The following LHFPL3 variants were observed in gnomAD, a reference collection of about 807,000 sequenced individuals.
The protein encoded by LHFPL3 is LHFPL tetraspan subfamily member 3 protein.
In LHFPL3, 5 loss-of-function variants were observed where a neutral mutation model predicts 19.3. That is an observed-to-expected ratio of 0.26 (90% CI 0.14 to 0.54). The LOEUF (loss-of-function observed/expected upper bound fraction) is 0.54, where lower values mean the gene tolerates loss of function less well. Ranked by LOEUF, LHFPL3 falls within the 20% of genes least tolerant of loss-of-function variation. LHFPL3 has a pLI of 0.94. For synonymous variants in LHFPL3, 133 were observed against 126.2 expected (o/e 1.05, Z -0.36); for missense variants, 249 against 307.4 (o/e 0.81, Z 1.42).
intron 2 of LHFPL3, among the ~76,000 whole-genome samples, chr7:104,881,094 T>C (rs562053487): frequency 7.0e-6 from 1 of 142,140 alleles, no homozygotes; most frequent in South Asian, 2.2e-4. Flanking sequence ...GGCGTGAACC[T>C]GGGAGGCGGA....
At chr7:104,468,127 C>G (rs1163539518) in intron 1 of LHFPL3, among the ~76,000 whole-genome samples, 1 of 152,230 alleles carries the variant, frequency 6.6e-6, no homozygotes, top group Non-Finnish European at 1.5e-5. Flanking sequence ...CAATATCAAA[C>G]TGCCACTGCT....
intron 1 of LHFPL3, among the ~76,000 whole-genome samples, chr7:104,544,049 A>C (rs1794537540): frequency 6.6e-6 from 1 of 151,828 alleles, no homozygotes; most frequent in South Asian, 2.1e-4. Flanking sequence ...ATTAAAAAAA[A>C]AAAAAGCTGG....
chr7:104,887,959 A>T (rs1181421303), intron 2 of LHFPL3, among the ~76,000 whole-genome samples: 1 of 152,200 alleles, frequency 6.6e-6, no homozygotes, highest in South Asian at 2.1e-4. Flanking sequence ...AGTCAGAACA[A>T]GTTACAAAGA....
intron 1 of LHFPL3, among the ~76,000 whole-genome samples, chr7:104,614,058 T>C (rs1455952727): frequency 6.6e-6 from 1 of 152,156 alleles, no homozygotes; most frequent in Non-Finnish European, 1.5e-5. Flanking sequence ...TTTCCTGGGT[T>C]ATAAAACTGG....
At chr7:104,408,707 T>C (rs937112593) in intron 1 of LHFPL3, among the ~76,000 whole-genome samples, 4 of 152,180 alleles carry the variant, frequency 2.6e-5, no homozygotes, top group Non-Finnish European at 5.9e-5. Flanking sequence ...ATGCCAATGC[T>C]GAACTGGGTA....
At position 104,701,752 on chromosome 7, in the gene LHFPL3, T is replaced by C. The variant is rs554284233; in HGVS notation, c.446-34923T>C. Among the ~76,000 whole-genome samples, 19 of 152,320 alleles carry C rather than the reference T, an allele frequency of 1.2e-4. No homozygotes were observed. The South Asian group carries it at 3.9e-3, about 32-fold the overall frequency. On this transcript the variant is annotated intron_variant, in intron 1 of 2. Coordinates refer to ENST00000424859, the MANE Select transcript of LHFPL3 (RefSeq NM_199000.3). ...TTTATAATGACATACATAGGTATTG[T>C]CTATTTTTACTCATCCTACTCAGCA...
chr7:104,760,796 C>T (rs1271483701), intron 2 of LHFPL3, among the ~76,000 whole-genome samples: 1 of 152,138 alleles, frequency 6.6e-6, no homozygotes, highest in Non-Finnish European at 1.5e-5. Context: ...GGCCTGAGGG[C>T]ACTTTCAATC....
chr7:104,708,046 A>C (rs1325717401), intron 1 of LHFPL3, among the ~76,000 whole-genome samples: 1 of 152,082 alleles, frequency 6.6e-6, no homozygotes, highest in Non-Finnish European at 1.5e-5. Context: ...AGTACCTAGA[A>C]CTCTTTTCCC....
intron 1 of LHFPL3, among the ~76,000 whole-genome samples, chr7:104,564,037 C>G (rs1790071471): frequency 6.6e-6 from 1 of 152,168 alleles, no homozygotes; most frequent in Non-Finnish European, 1.5e-5. Context: ...ATGTTAAACA[C>G]TACACATACA....
chr7:104,556,158 T>TCTA (rs1342607442), intron 1 of LHFPL3, among the ~76,000 whole-genome samples: 1 of 152,138 alleles, frequency 6.6e-6, no homozygotes, highest in Non-Finnish European at 1.5e-5. Context: ...TGCCAGTGGA[T>TCTA]CTACTATTCT....
intron 1 of LHFPL3, among the ~76,000 whole-genome samples, chr7:104,666,529 T>C: frequency 1.2e-5 from 1 of 84,948 alleles, no homozygotes; most frequent in Non-Finnish European, 2.6e-5. Context: ...TTTTTTTTTT[T>C]TTTTTTTTTT....
intron 1 of LHFPL3, among the ~76,000 whole-genome samples, chr7:104,545,996 C>T (rs1037649951): frequency 1.3e-5 from 2 of 152,098 alleles, no homozygotes; most frequent in Non-Finnish European, 2.9e-5. Context: ...TGTTGGCTGC[C>T]TATGAGCTTA....
intron 2 of LHFPL3, among the ~76,000 whole-genome samples, chr7:104,765,143 T>C (rs1180913241): frequency 6.6e-6 from 1 of 152,224 alleles, no homozygotes; most frequent in Non-Finnish European, 1.5e-5. Flanking sequence ...AAAAATTTTG[T>C]TGGACTCTTA....
chr7:104,606,667 C>T (rs1456506780), intron 1 of LHFPL3, among the ~76,000 whole-genome samples: 1 of 152,158 alleles, frequency 6.6e-6, no homozygotes. Flanking sequence ...TCCACTGAAA[C>T]CTCAGCATTG....
chr7:104,843,953 T>C (rs914047493), intron 2 of LHFPL3, among the ~76,000 whole-genome samples: 2 of 151,622 alleles, frequency 1.3e-5, no homozygotes, highest in African/African-American at 2.4e-5. Flanking sequence ...GGGATTCAAA[T>C]TGAGGAAAAG....
rs1792609880 is a variant in LHFPL3, at chr7:104,906,193, TA to T, written c.691del (p.Ser231AlafsTer5). 1.2e-6 allele frequency: 2 copies of T among 1,610,520 alleles called. No homozygotes were observed. Among genetic ancestry groups the T allele is most frequent in the Admixed American group, 1.7e-5 (1 of 59,686 alleles). On this transcript the variant is annotated frameshift_variant, in exon 3 of 3. Transcript: ENST00000424859. LOFTEE classifies it high-confidence loss of function. ...EELKAENKVL[L>X]SQYSLE Reference sequence around the variant, plus strand: ...TTCCCTCCAATTTCTGCAGTTCTGCTAAGCCAATATTCTCTAGAATGAGCAC... The same window carrying T: ...TTCCCTCCAATTTCTGCAGTTCTGCTAGCCAATATTCTCTAGAATGAGCAC...
chr7:104,363,757 A>G (rs1225242580), intron 1 of LHFPL3, among the ~76,000 whole-genome samples: 1 of 152,246 alleles, frequency 6.6e-6, no homozygotes. Flanking sequence ...GGCCTGGTGA[A>G]GCAGCCTCTT....
At chr7:104,452,695 C>T (rs1377681287) in intron 1 of LHFPL3, among the ~76,000 whole-genome samples, 1 of 151,840 alleles carries the variant, frequency 6.6e-6, no homozygotes, top group African/African-American at 2.4e-5. Flanking sequence ...TTGTGAATTA[C>T]CTGCTTATAC....
Position 104,460,777 on chromosome 7 carries a change from C to G in LHFPL3, c.445+131553C>G, listed in dbSNP as rs117138863. 5.5e-3 allele frequency among the ~76,000 whole-genome samples: 830 copies of G among 152,188 alleles called. 49 individuals carry two copies. In the East Asian group the frequency reaches 0.13, roughly 24 times the overall value. ...CAGATGCATAGTTTGCAAAAATTTTCTTCCATTCTTAGGTTGTGTGTTTAC... is the reference window on the plus strand; with the variant it reads ...CAGATGCATAGTTTGCAAAAATTTTGTTCCATTCTTAGGTTGTGTGTTTAC... On this transcript the variant is annotated intron_variant, in intron 1 of 2. Transcript: ENST00000424859.
Sources: gnomAD v4.1 joint callset for allele counts (sites outside exome capture counted in the v4.1 genomes callset) on GRCh38, gnomAD v4.1.1 for gene constraint, MANE v1.5 for transcripts, NCBI Gene and HGNC (gene_info 2026-07-23, HGNC 2026-07-21) for gene names.